TTC28: variants seen among roughly 807,000 people sequenced by gnomAD.
TTC28 encodes the protein tetratricopeptide repeat protein 28.
Under a neutral mutation model 198.0 loss-of-function variants are expected in TTC28, and 61 were observed. The ratio of observed to expected loss-of-function variants is 0.31; its 90% CI spans 0.25 to 0.38. TTC28 has a LOEUF of 0.38. Ranked by LOEUF, TTC28 falls within the 10% of genes least tolerant of loss-of-function variation. The probability of loss-of-function intolerance (pLI) is 1.00; values close to 1 mark genes in which losing one functional copy is unlikely to be tolerated. For synonymous variants in TTC28, 1,171 were observed against 1,297.8 expected, an observed-to-expected ratio of 0.90 and a Z score of 2.10; for missense variants, 2,678 against 3,164.0, an observed-to-expected ratio of 0.85 and a Z score of 3.69.
rs1427299600 is a variant in TTC28 at position 28,279,292 on chromosome 22, CACTA to C, written c.933+16902_933+16905del. Among the ~76,000 whole-genome samples the C allele has an allele frequency of 8.5e-5, 13 of 152,196 alleles. 1 individual carries two copies. The highest frequency in any genetic ancestry group is 2.9e-4 in the African/African-American group (12 of 41,526). On this transcript the variant is annotated intron_variant, in intron 5 of 22. Transcript: ENST00000397906. ...CCCCTAAATACTTCAGCATGTATAT[CACTA>C]ACTAAAGTATTTATATTTTCAGATA...
chr22:28,661,113 C>A (rs1027741706), intron 1 of TTC28, among the ~76,000 whole-genome samples: 9 of 151,518 alleles, frequency 5.9e-5, no homozygotes, highest in African/African-American at 2.2e-4. Flanking sequence ...GGAGAAACCC[C>A]GTCTCTACTA....
chr22:28,189,572 A>AC (rs1340115532), intron 5 of TTC28, among the ~76,000 whole-genome samples: 1 of 151,866 alleles, frequency 6.6e-6, no homozygotes, highest in Non-Finnish European at 1.5e-5. Context: ...GAAAAAAAAA[A>AC]ACCAAAAAGA....
At chr22:28,502,476 TAA>T (rs695536) in intron 2 of TTC28, among the ~76,000 whole-genome samples, 1 of 145,226 alleles carries the variant, frequency 6.9e-6, no homozygotes, top group African/African-American at 2.5e-5. Context: ...CTGTCTCTAC[TAA>T]AAAAAAAAAA....
chr22:28,364,898 G>A (rs936487503), intron 2 of TTC28, among the ~76,000 whole-genome samples: 1 of 152,324 alleles, frequency 6.6e-6, no homozygotes, highest in South Asian at 2.1e-4. Flanking sequence ...TACAATTAAG[G>A]ATTTAGAATA....
intron 12 of TTC28, among the ~76,000 whole-genome samples, chr22:28,080,027 C>T (rs1390241807): frequency 6.6e-6 from 1 of 152,176 alleles, no homozygotes; most frequent in Non-Finnish European, 1.5e-5. Context: ...CCATGCCCAG[C>T]TGATTTTCTT....
chr22:28,403,483 T>C (rs1601347588), intron 2 of TTC28, among the ~76,000 whole-genome samples: 1 of 152,182 alleles, frequency 6.6e-6, no homozygotes, highest in African/African-American at 2.4e-5. Flanking sequence ...GGATCTAAAG[T>C]CAAAGTTTTG....
chr22:28,183,405 T>C (rs1014785979), intron 5 of TTC28, among the ~76,000 whole-genome samples: 10 of 152,034 alleles, frequency 6.6e-5, no homozygotes, highest in Non-Finnish European at 1.0e-4. Flanking sequence ...AGTTCAACTA[T>C]CTTGGCTGAA....
In TTC28 at chr22:28,199,595, T is replaced by C. The variant is rs1356498947; in HGVS notation, c.934-35996A>G. Among the ~76,000 whole-genome samples, 760 of 127,280 alleles carry C rather than the reference T, an allele frequency of 6.0e-3. 19 individuals carry two copies. The highest frequency in any genetic ancestry group is 0.021 in the African/African-American group (714 of 33,556). The allele number at this position is 127,280 out of a possible 152,430, so 83.5% of individuals were successfully genotyped here. A position where few individuals can be genotyped will look rare whatever the true frequency, so the allele number is the denominator to read the frequency against. On this transcript the variant is annotated intron_variant, in intron 5 of 22. Coordinates refer to ENST00000397906, the MANE Select transcript of TTC28 (RefSeq NM_001145418.2). Reference sequence around the variant, plus strand: ...TGTGTGCATGTGCACTGTGTATGTGTATGTGTATGTGTATGTGTATGTGTA... The same window carrying C: ...TGTGTGCATGTGCACTGTGTATGTGCATGTGTATGTGTATGTGTATGTGTA...
At chr22:28,079,558 A>G (rs1941272506) in intron 12 of TTC28, among the ~76,000 whole-genome samples, 1 of 152,134 alleles carries the variant, frequency 6.6e-6, no homozygotes, top group Non-Finnish European at 1.5e-5. Flanking sequence ...CCTGTTTCTA[A>G]GAGCTTGGCT....
rs142712116 is a variant in TTC28, at chr22:28,225,287, G to A, written c.934-61688C>T. Among the ~76,000 whole-genome samples the A allele has an allele frequency of 1.6e-3, 239 of 151,826 alleles. 4 individuals carry two copies. The highest frequency in any genetic ancestry group is 6.6e-4 in the Admixed American group (10 of 15,218). On this transcript the variant is annotated intron_variant, in intron 5 of 22. Coordinates refer to ENST00000397906, the MANE Select transcript of TTC28 (RefSeq NM_001145418.2). ...GAAGAATTGCTTGAACCCGAAAGGC[G>A]GAGGTTGCAGTGAGCCGAGATCATG...
intron 5 of TTC28, among the ~76,000 whole-genome samples, chr22:28,220,603 T>C (rs1038840080): frequency 1.3e-5 from 2 of 152,192 alleles, no homozygotes; most frequent in African/African-American, 4.8e-5. Flanking sequence ...CCAATATAGC[T>C]ACTTGCTACC....
At chr22:28,094,298 G>C in intron 11 of TTC28, 53 bp from the exon 12 acceptor site, 1 of 1,461,878 alleles carries the variant, frequency 6.8e-7, no homozygotes, top group Non-Finnish European at 9.1e-7. Context: ...TCAGAGAAAG[G>C]AGAAGTTGAA....
chr22:28,094,121 G>T lies in TTC28; in HGVS notation c.3891C>A (p.Ala1297=), dbSNP rs1214297550. Residue 1297 remains alanine, a synonymous_variant, in exon 12 of 23, where the codon GCC becomes GCA. Coordinates refer to ENST00000397906, the MANE Select transcript of TTC28 (RefSeq NM_001145418.2). ...ATGSALEQHI[A]SVREALGVES... The stretch of plus-strand genomic sequence containing the variant: ...CCACCCCCAGGGCCTCCCGGACACT[G>T]GCAATGTGCTGCTCCAGGGCTGAGC... 1 of 1,551,282 alleles carries T rather than the reference G, an allele frequency of 6.4e-7. No homozygotes were observed. Among genetic ancestry groups the T allele is most frequent in the East Asian group, 2.4e-5 (1 of 40,896 alleles).
At chr22:28,377,997 A>G (rs984988371) in intron 2 of TTC28, among the ~76,000 whole-genome samples, 1 of 152,226 alleles carries the variant, frequency 6.6e-6, no homozygotes, top group Non-Finnish European at 1.5e-5. Context: ...AGATTGGAAG[A>G]CATTTTTCAA....
chr22:28,489,368 T>C (rs2048348005), intron 2 of TTC28, among the ~76,000 whole-genome samples: 1 of 152,052 alleles, frequency 6.6e-6, no homozygotes, highest in Admixed American at 6.6e-5. Flanking sequence ...TTATTTCTGT[T>C]TCCTATGATA....
intron 5 of TTC28, among the ~76,000 whole-genome samples, chr22:28,286,803 C>A (rs1194682210): frequency 2.0e-5 from 3 of 152,028 alleles, no homozygotes; most frequent in Non-Finnish European, 4.4e-5. Context: ...AGGATGCACA[C>A]ACACACACAC....
chr22:28,389,816 G>A (rs1013774937), intron 2 of TTC28, among the ~76,000 whole-genome samples: 2 of 150,226 alleles, frequency 1.3e-5, no homozygotes, highest in African/African-American at 4.9e-5. Flanking sequence ...TTAATTTTTT[G>A]AAGGGTTTTT....
At chr22:28,449,923 A>G (rs1305253777) in intron 2 of TTC28, among the ~76,000 whole-genome samples, 1 of 152,170 alleles carries the variant, frequency 6.6e-6, no homozygotes, top group African/African-American at 2.4e-5. Context: ...GGTGATCCCC[A>G]AATGTTTCAC....
intron 2 of TTC28, among the ~76,000 whole-genome samples, chr22:28,591,914 C>T (rs2050441635): frequency 6.6e-6 from 1 of 151,908 alleles, no homozygotes; most frequent in African/African-American, 2.4e-5. Context: ...AACAACATAG[C>T]TGAAAAGTAT....
Sources: gnomAD v4.1 joint callset for allele counts (sites outside exome capture counted in the v4.1 genomes callset) on GRCh38, gnomAD v4.1.1 for gene constraint, MANE v1.5 for transcripts, NCBI Gene and HGNC (gene_info 2026-07-23, HGNC 2026-07-21) for gene names.